Variants in ARHGEF11 observed in about 807,000 individuals in gnomAD.
ARHGEF11 encodes Rho guanine exchange factor (GEF) 11.
Under a neutral mutation model 193.7 loss-of-function variants are expected in ARHGEF11, and 55 were observed. That is an observed-to-expected ratio of 0.28 (90% CI 0.23 to 0.36). ARHGEF11 has a LOEUF of 0.36. Ranked by LOEUF, ARHGEF11 falls within the 10% of genes least tolerant of loss-of-function variation. ARHGEF11 has a pLI of 1.00. For missense variants in ARHGEF11, 1,723 were observed against 2,005.6 expected (o/e 0.86, Z 2.69); for synonymous variants, 693 against 768.0 (o/e 0.90, Z 1.62).
chr1:156,936,334 A>C, intron 40 of ARHGEF11: 1 of 592,084 alleles, frequency 1.7e-6, no homozygotes, highest in Non-Finnish European at 3.3e-6. Context: ...TGAATCATTT[A>C]ATCAGCACGA....
chr1:156,945,416 G>A (rs772814057), intron 29 of ARHGEF11: 29 of 557,830 alleles, frequency 5.2e-5, no homozygotes, highest in Non-Finnish European at 7.9e-5. Context: ...CTTTGAAGAC[G>A]CTGATAGCTC....
chr1:157,020,942 T>G (rs975993860), intron 1 of ARHGEF11, among the ~76,000 whole-genome samples: 1 of 152,226 alleles, frequency 6.6e-6, no homozygotes, highest in African/African-American at 2.4e-5. Flanking sequence ...GGTAAATGTC[T>G]GTCCATGTGC....
intron 21 of ARHGEF11, among the ~76,000 whole-genome samples, chr1:156,953,322 C>T (rs1659398082): frequency 1.3e-5 from 2 of 152,056 alleles, no homozygotes; most frequent in Non-Finnish European, 2.9e-5. Flanking sequence ...GTCTGTGGCC[C>T]CAGCTACTTG....
chr1:157,028,158 A>G lies in ARHGEF11; in HGVS notation c.32+16141T>C, dbSNP rs145608659. Among the ~76,000 whole-genome samples, 20 of 152,320 alleles carry G rather than the reference A, an allele frequency of 1.3e-4. No homozygotes were observed. In the East Asian group the frequency reaches 2.9e-3, roughly 22 times the overall value. On this transcript the variant is annotated intron_variant, in intron 1 of 40. Coordinates refer to ENST00000368194, the MANE Select transcript of ARHGEF11 (RefSeq NM_198236.3). ...GAATTACGTTAAGCCCCTGTTTGGG[A>G]GCAATGGATAAACTGAACAATACTG...
Position 157,000,763 on chromosome 1 carries a change from G to C in ARHGEF11, c.33-14590C>G, listed in dbSNP as rs545931992. ...CTTGTCTTTGCAATCCCCTTCCTTG[G>C]GCAGGCTGTAGGCAACCTGTTCTTC... On this transcript the variant is annotated intron_variant, in intron 1 of 40. Transcript: ENST00000368194. 1.5e-4 allele frequency among the ~76,000 whole-genome samples: 23 copies of C among 152,260 alleles called. No homozygotes were observed. In the South Asian group the frequency reaches 4.8e-3, roughly 32 times the overall value.
In ARHGEF11 at chr1:156,945,478, G is replaced by A. The variant is rs1657949500; in HGVS notation, c.2813-281C>T. On this transcript the variant is annotated intron_variant, in intron 29 of 40. Coordinates refer to ENST00000368194, the MANE Select transcript of ARHGEF11 (RefSeq NM_198236.3). ...CAGCTCTACAGATGCAAGGGACAGAGACTGTGGTAAATGGCCACAATTATG... is the reference window on the plus strand; with the variant it reads ...CAGCTCTACAGATGCAAGGGACAGAAACTGTGGTAAATGGCCACAATTATG... 1.8e-5 allele frequency: 8 copies of A among 438,092 alleles called. No homozygotes were observed. In the South Asian group the frequency reaches 2.6e-4, roughly 14 times the overall value. The allele number at this position is 438,092 out of a possible 1,614,324, so 27.1% of individuals were successfully genotyped here. A position where few individuals can be genotyped will look rare whatever the true frequency, so the allele number is the denominator to read the frequency against.
chr1:156,980,317 C>T, intron 4 of ARHGEF11, 120 bp downstream of exon 4: 1 of 1,213,512 alleles, frequency 8.2e-7, no homozygotes, highest in Admixed American at 2.0e-5. Context: ...CCACTCCTAA[C>T]TCAGTGGCTG....
At chr1:157,003,887 T>C (rs1667497702) in intron 1 of ARHGEF11, among the ~76,000 whole-genome samples, 2 of 152,200 alleles carry the variant, frequency 1.3e-5, no homozygotes, top group Admixed American at 1.3e-4. Context: ...GATTAAATGG[T>C]AGAATTCATT....
rs1029519690 is a variant in ARHGEF11 at position 156,937,630 on chromosome 1, G to A, written c.4193-134C>T. On this transcript the variant is annotated intron_variant, in intron 38 of 40. Coordinates refer to ENST00000368194, the MANE Select transcript of ARHGEF11 (RefSeq NM_198236.3). The stretch of plus-strand genomic sequence containing the variant: ...CTCTCCAGACAAACTCAGAGAACGT[G>A]GGCCTTGCTCACTGTCTGCCAGCCC... 4 of 958,766 alleles carry A rather than the reference G, an allele frequency of 4.2e-6. No homozygotes were observed. The African/African-American group carries it at 6.8e-5, about 16-fold the overall frequency. The allele number at this position is 958,766 out of a possible 1,614,324, so 59.4% of individuals were successfully genotyped here.
intron 15 of ARHGEF11, among the ~76,000 whole-genome samples, chr1:156,959,925 C>CT (rs1557861930): frequency 2.8e-5 from 1 of 36,228 alleles, no homozygotes; most frequent in Non-Finnish European, 5.6e-5. Flanking sequence ...ACAAAAATAA[C>CT]CCCCCCTCCC....
intron 1 of ARHGEF11, among the ~76,000 whole-genome samples, chr1:156,999,274 A>G (rs76781844): frequency 0.014 from 2,144 of 152,300 alleles, 57 homozygotes; most frequent in African/African-American, 0.05. Context: ...GCTAAGTTAC[A>G]TAAGTCGCCC....
At chr1:157,010,302 A>T (rs1264180117) in intron 1 of ARHGEF11, among the ~76,000 whole-genome samples, 1 of 152,240 alleles carries the variant, frequency 6.6e-6, no homozygotes, top group African/African-American at 2.4e-5. Context: ...TGGAAAAGGA[A>T]AAAGTAAAAC....
chr1:157,016,266 T>C (rs1476026102), intron 1 of ARHGEF11, among the ~76,000 whole-genome samples: 1 of 152,102 alleles, frequency 6.6e-6, no homozygotes, highest in East Asian at 1.9e-4. Context: ...AGACTATTGC[T>C]CTGTCTGCAG....
rs369872867 is a variant in ARHGEF11, at chr1:156,954,915, T to C, written c.1775A>G (p.His592Arg). ...ACCTTCCACAGGGGACAAGGGAATA[T>C]GAAATGCTAAAAGAAAAACAAACAA... is the stretch of plus-strand genomic sequence containing the variant. ...KPKSSSQSTF[H>R]IPLSPVEVKP... The change falls in exon 21 of 41, where the codon CAT becomes CGT. Residue 592 changes from histidine (H) to arginine (R), a missense_variant. His to Arg is a conservative substitution (Grantham distance 29, BLOSUM62 0). Transcript: ENST00000368194. The C allele has an allele frequency of 5.6e-6, 9 of 1,608,034 alleles. No individual in the cohort carries two copies. The African/African-American group carries it at 9.4e-5, about 17-fold the overall frequency.
chr1:157,017,669 T>C (rs903830097), intron 1 of ARHGEF11, among the ~76,000 whole-genome samples: 6 of 134,282 alleles, frequency 4.5e-5, no homozygotes, highest in Non-Finnish European at 9.1e-5. Flanking sequence ...ACCGCGCCAC[T>C]GTGCTCCAGC....
intron 1 of ARHGEF11, among the ~76,000 whole-genome samples, chr1:157,016,205 C>G (rs1311569591): frequency 6.6e-6 from 1 of 152,094 alleles, no homozygotes; most frequent in Non-Finnish European, 1.5e-5. Flanking sequence ...AAGGGAGCTA[C>G]TTCTAATATT....
At chr1:156,987,645 T>C (rs904767388) in intron 1 of ARHGEF11, among the ~76,000 whole-genome samples, 2 of 152,078 alleles carry the variant, frequency 1.3e-5, no homozygotes, top group Admixed American at 6.6e-5. Flanking sequence ...CATGTGAGGG[T>C]ACAAGTAACT....
At chr1:156,968,483 GATA>G (rs1219072312) in intron 10 of ARHGEF11, among the ~76,000 whole-genome samples, 1 of 152,128 alleles carries the variant, frequency 6.6e-6, no homozygotes, top group Non-Finnish European at 1.5e-5. Context: ...TGGCCTTCCA[GATA>G]ATGTCAACTG....
intron 32 of ARHGEF11, 66 bp downstream of exon 32, chr1:156,943,869 C>A: frequency 6.4e-7 from 1 of 1,550,884 alleles, no homozygotes; most frequent in South Asian, 1.2e-5. Flanking sequence ...CTGGCCCTGC[C>A]TCACCCAGCA....
Sources: allele counts gnomAD v4.1 joint callset (sites outside exome capture counted in the v4.1 genomes callset), GRCh38; gene constraint gnomAD v4.1.1; transcripts MANE v1.5; gene names NCBI Gene and HGNC (gene_info 2026-07-23, HGNC 2026-07-21).